IRF2: variants seen among roughly 807,000 people sequenced by gnomAD.
The protein encoded by IRF2 is interferon regulatory factor 2.
IRF2 carries 15 observed loss-of-function variants against 40.6 expected under a neutral mutation model. The ratio of observed to expected loss-of-function variants is 0.37; its 90% CI spans 0.25 to 0.57. The LOEUF (loss-of-function observed/expected upper bound fraction) is 0.57. Ranked by LOEUF, IRF2 falls within the 20% of genes least tolerant of loss-of-function variation. The probability of loss-of-function intolerance (pLI) is 0.77; values close to 1 mark genes in which losing one functional copy is unlikely to be tolerated. For missense variants in IRF2, 317 were observed against 455.7 expected (o/e 0.70, Z 2.77); for synonymous variants, 151 against 165.5 (o/e 0.91, Z 0.67).
chr4:184,428,188 A>G (rs1737740286), intron 2 of IRF2, among the ~76,000 whole-genome samples: 1 of 152,250 alleles, frequency 6.6e-6, no homozygotes, highest in Non-Finnish European at 1.5e-5. Context: ...AAAGGTGGAC[A>G]CACAGATAGG....
intron 5 of IRF2, among the ~76,000 whole-genome samples, chr4:184,416,087 G>A (rs1177217898): frequency 6.6e-6 from 1 of 152,124 alleles, no homozygotes; most frequent in Non-Finnish European, 1.5e-5. Context: ...GAGGCAAGAG[G>A]ATTACTTGAG....
In IRF2 at chr4:184,408,205, A is replaced by G. The variant is rs1736932455; in HGVS notation, c.482T>C (p.Leu161Pro). 3 of 1,613,256 alleles carry G rather than the reference A, an allele frequency of 1.9e-6. No individual in the cohort carries two copies. Among genetic ancestry groups the G allele is most frequent in the Non-Finnish European group, 2.5e-6 (3 of 1,179,130 alleles). Residue 161 changes from leucine (L) to proline (P), a missense_variant, in exon 6 of 9, where the codon CTG becomes CCG. Leu to Pro is a moderately conservative substitution (Grantham distance 98). Transcript: ENST00000393593. The surrounding 1 kb of genome is among the most constrained non-coding windows in gnomAD (Gnocchi z 4.9). ...CACTTCATTTTTTATAGTTGAAGTC[A>G]GGACCGCATACTCAGGAGAAAGATC... ...VSDLSPEYAV[L>P]TSTIKNEVDS...
At chr4:184,416,629 G>GTC (rs1737286257) in intron 5 of IRF2, among the ~76,000 whole-genome samples, 1 of 152,022 alleles carries the variant, frequency 6.6e-6, no homozygotes, top group Non-Finnish European at 1.5e-5. Flanking sequence ...ATGACATCAT[G>GTC]GTATTTTTAC....
rs76986766 is a variant in IRF2, at chr4:184,436,337, A to T, written c.-6-7267T>A. 7.9e-5 allele frequency among the ~76,000 whole-genome samples: 12 copies of T among 152,314 alleles called. No individual in the cohort carries two copies. In the East Asian group the frequency reaches 2.3e-3, roughly 29 times the overall value. On this transcript the variant is annotated intron_variant, in intron 1 of 8. Transcript: ENST00000393593. ...ATCAGCAAAAATTCATTAAACACAC[A>T]TTGTTACAAGGAACTGTGCTGAGTG...
At chr4:184,431,670 TAG>T (rs924525803) in intron 1 of IRF2, among the ~76,000 whole-genome samples, 6 of 151,728 alleles carry the variant, frequency 4.0e-5, no homozygotes, top group African/African-American at 1.5e-4. Flanking sequence ...TGGTCACGAG[TAG>T]AGAGCAACAG....
At chr4:184,441,872 A>G (rs1435834400) in intron 1 of IRF2, among the ~76,000 whole-genome samples, 1 of 152,226 alleles carries the variant, frequency 6.6e-6, no homozygotes, top group African/African-American at 2.4e-5. Context: ...TCCCAAGGTC[A>G]CAGAGCTACT....
At chr4:184,411,893 G>C (rs2149897816) in intron 5 of IRF2, among the ~76,000 whole-genome samples, 1 of 150,972 alleles carries the variant, frequency 6.6e-6, no homozygotes, top group East Asian at 2.0e-4. Flanking sequence ...TCCTGGTCAG[G>C]ATTCACATCC....
intron 6 of IRF2, among the ~76,000 whole-genome samples, chr4:184,402,413 G>A (rs930031935): frequency 3.3e-5 from 5 of 152,194 alleles, no homozygotes; most frequent in African/African-American, 7.2e-5. Flanking sequence ...TCACTCGGCC[G>A]AAACTACGAT....
chr4:184,398,893 G>T (rs745593135), intron 7 of IRF2, 22 bp downstream of exon 7: 2 of 1,566,532 alleles, frequency 1.3e-6, no homozygotes, highest in Admixed American at 3.8e-5. Context: ...CACGCCTCCC[G>T]GAGCCTCCCG....
chr4:184,464,658 T>A (rs528185363), intron 1 of IRF2, among the ~76,000 whole-genome samples: 2 of 152,182 alleles, frequency 1.3e-5, no homozygotes, highest in South Asian at 4.2e-4. Context: ...ACCAAATAAT[T>A]TCACCTTGGT....
chr4:184,469,765 A>T (rs941553819), intron 1 of IRF2, among the ~76,000 whole-genome samples: 1 of 152,086 alleles, frequency 6.6e-6, no homozygotes, highest in Non-Finnish European at 1.5e-5. Context: ...TCTGAGGGGG[A>T]AAATTATTTT....
intron 1 of IRF2, among the ~76,000 whole-genome samples, chr4:184,460,680 T>C (rs372972069): frequency 1.9e-5 from 2 of 103,340 alleles, no homozygotes; most frequent in African/African-American, 6.1e-5. Flanking sequence ...CACACACACA[T>C]GCACGCACAC....
intron 2 of IRF2, among the ~76,000 whole-genome samples, chr4:184,427,786 T>C (rs1201517620): frequency 6.6e-6 from 1 of 152,230 alleles, no homozygotes; most frequent in African/African-American, 2.4e-5. Flanking sequence ...TCCTGTTCCC[T>C]TGTTGGAAGC....
chr4:184,402,721 G>T (rs1372351914), intron 6 of IRF2, among the ~76,000 whole-genome samples: 1 of 152,166 alleles, frequency 6.6e-6, no homozygotes, highest in Non-Finnish European at 1.5e-5. Flanking sequence ...AAAATGTCAA[G>T]ACTTCTGACA....
rs1409479588 is a variant in IRF2, at chr4:184,474,134, CA to C, written c.-7+244del. Reference sequence around the variant, plus strand: ...CTCCTCCTCCTCCTCCTCGCAGCCTCAGCAGCCCCAGTAGCAGCAGCAACAG... The same window carrying C: ...CTCCTCCTCCTCCTCCTCGCAGCCTCGCAGCCCCAGTAGCAGCAGCAACAG... On this transcript the variant is annotated intron_variant, in intron 1 of 8. Coordinates refer to ENST00000393593, the MANE Select transcript of IRF2 (RefSeq NM_002199.4). This position sits in a 1 kb window ranked among gnomAD's most constrained non-coding sequence, Gnocchi z 5.6. 6.5e-6 allele frequency: 1 copy of C among 153,788 alleles called. No individual in the cohort carries two copies. Among genetic ancestry groups the C allele is most frequent in the Non-Finnish European group, 1.4e-5 (1 of 69,084 alleles). 9.5% of individuals were successfully genotyped at this position (153,788 alleles called of 1,614,324 possible). A position where few individuals can be genotyped will look rare whatever the true frequency, so the allele number is the denominator to read the frequency against.
intron 1 of IRF2, among the ~76,000 whole-genome samples, chr4:184,466,660 T>C (rs1739341509): frequency 6.6e-6 from 1 of 152,236 alleles, no homozygotes; most frequent in African/African-American, 2.4e-5. Context: ...GGGCCTCACA[T>C]AGTGAGTATC....
At chr4:184,419,644 G>T in intron 2 of IRF2, 76 bp from the exon 3 acceptor site, 1 of 962,548 alleles carries the variant, frequency 1.0e-6, no homozygotes, top group Non-Finnish European at 1.6e-6. Flanking sequence ...AGGTTGTGAA[G>T]GTCTAGCCAG....
In IRF2 at chr4:184,387,785, A is replaced by G. The variant is rs1561076778; in HGVS notation, c.*973T>C. 1 of 151,780 alleles carries G rather than the reference A, an allele frequency of 6.6e-6. No homozygotes were observed. The highest frequency in any genetic ancestry group is 2.0e-4 in the East Asian group (1 of 5,110). 9.4% of individuals were successfully genotyped at this position (151,780 alleles called of 1,614,324 possible). On this transcript the variant is annotated 3_prime_UTR_variant, in exon 9 of 9. Coordinates refer to ENST00000393593, the MANE Select transcript of IRF2 (RefSeq NM_002199.4). Reference sequence around the variant, plus strand: ...ATCCACAGGAAAATCTGATTGCTACATGAGCTCATAAAAGCTTTTTTCACC... The same window carrying G: ...ATCCACAGGAAAATCTGATTGCTACGTGAGCTCATAAAAGCTTTTTTCACC...
At chr4:184,397,154 T>A (rs766114544) in intron 7 of IRF2, among the ~76,000 whole-genome samples, 2 of 152,256 alleles carry the variant, frequency 1.3e-5, no homozygotes, top group African/African-American at 2.4e-5. Flanking sequence ...ATAATCTTCC[T>A]GTGGCCAAGG....
Sources: allele counts gnomAD v4.1 joint callset (sites outside exome capture counted in the v4.1 genomes callset), GRCh38; gene constraint gnomAD v4.1.1; non-coding constraint Gnocchi (gnomAD v3.1); transcripts MANE v1.5; gene names NCBI Gene and HGNC (gene_info 2026-07-23, HGNC 2026-07-21).